Variants in AOPEP observed in about 807,000 individuals in gnomAD.
AOPEP encodes the protein aminopeptidase O (putative).
In AOPEP, 77 loss-of-function variants were observed where a neutral mutation model predicts 98.1. That is an observed-to-expected ratio of 0.78 (90% CI 0.65 to 0.95). The LOEUF (loss-of-function observed/expected upper bound fraction) is 0.95, where lower values mean the gene tolerates loss of function less well. AOPEP is among the 40% of genes least tolerant of loss of function. The probability of loss-of-function intolerance (pLI) is 0.00; values close to 1 mark genes in which losing one functional copy is unlikely to be tolerated. For synonymous variants in AOPEP, 346 were observed against 365.3 expected, an observed-to-expected ratio of 0.95 and a Z score of 0.60; for missense variants, 1,024 against 1,024.7, an observed-to-expected ratio of 1.00 and a Z score of 0.01.
At chr9:94,854,545 C>A (rs2043949408) in intron 5 of AOPEP, among the ~76,000 whole-genome samples, 1 of 152,182 alleles carries the variant, frequency 6.6e-6, no homozygotes, top group African/African-American at 2.4e-5. Flanking sequence ...AGCAGTGTCA[C>A]CAGTAGCTAC....
At chr9:94,838,493 C>T (rs1220474950) in intron 5 of AOPEP, among the ~76,000 whole-genome samples, 2 of 152,180 alleles carry the variant, frequency 1.3e-5, no homozygotes, top group African/African-American at 4.8e-5. Context: ...ATCACTGAAG[C>T]TTTCTAGTAA....
At chr9:94,923,935 G>A in intron 5 of AOPEP, 51 bp from the exon 6 acceptor site, 3 of 1,266,204 alleles carry the variant, frequency 2.4e-6, no homozygotes, top group African/African-American at 1.5e-5. Context: ...GGATGGCCAT[G>A]AGGACAGGCT....
chr9:94,866,382 T>C (rs1434867852), intron 5 of AOPEP, among the ~76,000 whole-genome samples: 1 of 152,244 alleles, frequency 6.6e-6, no homozygotes, highest in Non-Finnish European at 1.5e-5. Flanking sequence ...CTATTAACTC[T>C]CATGCACAAA....
At position 95,005,194 on chromosome 9, in the gene AOPEP, G is replaced by C; in HGVS notation, c.2014G>C (p.Gly672Arg). ...GGAGCGTCGCGCCGGGGCGGAGTGC[G>C]GGCTTGCGCGGCAAGTGCGCGCCGA... is the stretch of plus-strand genomic sequence containing the variant. ...QRERRAGAEC[G>R]LARQVRAEVT... Residue 672 changes from glycine (G) to arginine (R), a missense_variant, in exon 12 of 17, where the codon GGG becomes CGG. Around this residue, in one of 3 missense-constraint regions of AOPEP, gnomAD observed 566 missense variants for 551.7 expected, o/e 1.03. Coordinates refer to ENST00000375315, the MANE Select transcript of AOPEP (RefSeq NM_001193329.3). 1 of 1,140,344 alleles carries C rather than the reference G, an allele frequency of 8.8e-7. No individual in the cohort carries two copies. Among genetic ancestry groups the C allele is most frequent in the Non-Finnish European group, 1.1e-6 (1 of 927,260 alleles). The allele number at this position is 1,140,344 out of a possible 1,614,324, so 70.6% of individuals were successfully genotyped here.
intron 12 of AOPEP, among the ~76,000 whole-genome samples, 157 bp from the exon 13 acceptor site, chr9:95,005,385 T>C (rs1042006246): frequency 3.3e-5 from 5 of 150,442 alleles, no homozygotes; most frequent in Admixed American, 3.3e-4. Context: ...GCCCCTGCGG[T>C]GAGGCGCCCG....
chr9:94,864,219 A>G (rs963546325), intron 5 of AOPEP, among the ~76,000 whole-genome samples: 4 of 152,242 alleles, frequency 2.6e-5, no homozygotes, highest in African/African-American at 7.2e-5. Context: ...AAAGATGACA[A>G]TTCAGCATGG....
chr9:95,080,299 G>A (rs112633202), intron 14 of AOPEP, among the ~76,000 whole-genome samples: 1,811 of 152,248 alleles, frequency 0.012, 33 homozygotes, highest in African/African-American at 0.041. Context: ...AGGCTGGGGC[G>A]GGCGGATCAC....
chr9:95,062,655 G>A (rs981784307), intron 14 of AOPEP, among the ~76,000 whole-genome samples: 1 of 152,190 alleles, frequency 6.6e-6, no homozygotes, highest in Non-Finnish European at 1.5e-5. Context: ...TATGTGTGGT[G>A]CTTCTGTGTA....
intron 5 of AOPEP, among the ~76,000 whole-genome samples, chr9:94,840,314 A>G (rs117104178): frequency 6.6e-6 from 1 of 152,352 alleles, no homozygotes; most frequent in East Asian, 1.9e-4. Flanking sequence ...ATTTTCAAAT[A>G]TTGAACCAGC....
At chr9:94,773,235 A>G (rs1447376882) in intron 3 of AOPEP, 67 bp downstream of exon 3, 4 of 1,392,320 alleles carry the variant, frequency 2.9e-6, no homozygotes, top group Non-Finnish European at 3.9e-6. Flanking sequence ...CCCAATAAAC[A>G]GTATTTTTCT....
intron 5 of AOPEP, among the ~76,000 whole-genome samples, chr9:94,857,130 T>C (rs2044319298): frequency 1.3e-5 from 2 of 152,260 alleles, no homozygotes; most frequent in Admixed American, 6.5e-5. Flanking sequence ...ATATCTTTGC[T>C]CAGGACATTT....
chr9:94,854,632 C>T (rs752284084), intron 5 of AOPEP, among the ~76,000 whole-genome samples: 3 of 152,158 alleles, frequency 2.0e-5, no homozygotes, highest in Non-Finnish European at 4.4e-5. Flanking sequence ...TGTTTTAAAA[C>T]GACATCCAAA....
In AOPEP at chr9:94,772,744, C is replaced by A. The variant is rs73654285; in HGVS notation, c.798-258C>A. Among the ~76,000 whole-genome samples, 1,011 of 152,258 alleles carry A rather than the reference C, an allele frequency of 6.6e-3. 8 individuals are homozygous for A. The highest frequency in any genetic ancestry group is 0.023 in the African/African-American group (973 of 41,526). On this transcript the variant is annotated intron_variant, in intron 2 of 16. Coordinates refer to ENST00000375315, the MANE Select transcript of AOPEP (RefSeq NM_001193329.3). ...GGCCGATTAGTATTTAAAACTTTAT[C>A]CAAAAAATATTTTTCTCCTTAAATA...
chr9:94,962,788 A>C (rs1219201957), intron 9 of AOPEP, among the ~76,000 whole-genome samples: 1 of 140,828 alleles, frequency 7.1e-6, no homozygotes, highest in Non-Finnish European at 1.5e-5. Flanking sequence ...GCTGGAGTGC[A>C]GTGGCGTGAT....
Position 95,036,726 on chromosome 9 carries a change from C to G in AOPEP, c.2116-23968C>G, listed in dbSNP as rs1253723259. On this transcript the variant is annotated intron_variant, in intron 13 of 16. Coordinates refer to ENST00000375315, the MANE Select transcript of AOPEP (RefSeq NM_001193329.3). The stretch of plus-strand genomic sequence containing the variant: ...TCTTTTTTTTTTGTGGGGAATAAAA[C>G]TATAGTTTGTTTCAGAGGTGGCCAA... Among the ~76,000 whole-genome samples, 3 of 98,972 alleles carry G rather than the reference C, an allele frequency of 3.0e-5. No homozygotes were observed. In the East Asian group the frequency reaches 1.0e-3, roughly 33 times the overall value. The allele number at this position is 98,972 out of a possible 152,430, so 64.9% of individuals were successfully genotyped here. A position where few individuals can be genotyped will look rare whatever the true frequency, so the allele number is the denominator to read the frequency against.
At chr9:94,892,261 C>T (rs1036376960) in intron 5 of AOPEP, among the ~76,000 whole-genome samples, 1 of 152,182 alleles carries the variant, frequency 6.6e-6, no homozygotes, top group Non-Finnish European at 1.5e-5. Flanking sequence ...CTACTCCCTT[C>T]CTCCTCTCTT....
chr9:95,006,417 C>T (rs1009861556), intron 13 of AOPEP, among the ~76,000 whole-genome samples: 13 of 152,180 alleles, frequency 8.5e-5, no homozygotes, highest in Admixed American at 5.2e-4. Context: ...ACTCTTGATT[C>T]TGAAGCCAAA....
intron 1 of AOPEP, among the ~76,000 whole-genome samples, chr9:94,737,688 A>C (rs1832086767): frequency 6.6e-6 from 1 of 152,226 alleles, no homozygotes; most frequent in Non-Finnish European, 1.5e-5. Flanking sequence ...AAGTTTAGTC[A>C]CTTCTTAAAA....
chr9:94,841,773 T>G (rs1350408894), intron 5 of AOPEP, among the ~76,000 whole-genome samples: 1 of 152,216 alleles, frequency 6.6e-6, no homozygotes, highest in African/African-American at 2.4e-5. Flanking sequence ...TACTCCTAGC[T>G]GGGCACAGTG....
Sources: gnomAD v4.1 joint callset for allele counts (sites outside exome capture counted in the v4.1 genomes callset) on GRCh38, gnomAD v4.1.1 for gene constraint, gnomAD v4.1.1 regional missense constraint, MANE v1.5 for transcripts, NCBI Gene and HGNC (gene_info 2026-07-23, HGNC 2026-07-21) for gene names.